Variants in SP4 observed in about 807,000 individuals in gnomAD.
SP4 encodes the protein Sp4 transcription factor, also known as transcription factor Sp4.
SP4 carries 19 observed loss-of-function variants against 72.8 expected under a neutral mutation model. That is an observed-to-expected ratio of 0.26 (90% CI 0.18 to 0.38). SP4 has a LOEUF of 0.38. Ranked by LOEUF, SP4 falls within the 10% of genes least tolerant of loss-of-function variation. The probability of loss-of-function intolerance (pLI) is 1.00; values close to 1 mark genes in which losing one functional copy is unlikely to be tolerated. For missense variants in SP4, 1,008 were observed against 926.3 expected (o/e 1.09, Z -1.14); for synonymous variants, 395 against 333.1 (o/e 1.19, Z -2.02).
intron 5 of SP4, among the ~76,000 whole-genome samples, chr7:21,502,864 T>TA (rs1258950787): frequency 6.6e-6 from 1 of 152,196 alleles, no homozygotes; most frequent in Non-Finnish European, 1.5e-5. Context: ...CTAACCCATA[T>TA]AACCAAGAGT....
chr7:21,502,040 A>ACCT (rs1554301403), intron 5 of SP4, among the ~76,000 whole-genome samples: 15 of 72,280 alleles, frequency 2.1e-4, no homozygotes, highest in Non-Finnish European at 3.3e-4. Flanking sequence ...TTCATTAGGC[A>ACCT]CCCCCCCCCC....
rs1030005410 is a variant in SP4 at position 21,514,247 on chromosome 7, T to A, written c.*2978T>A. Reference sequence around the variant, plus strand: ...AAGTGTGTAATCTAGGAGAAAAAGTTAATTTGTCAAACTTAGATAAGCATG... The same window carrying A: ...AAGTGTGTAATCTAGGAGAAAAAGTAAATTTGTCAAACTTAGATAAGCATG... On this transcript the variant is annotated 3_prime_UTR_variant, in exon 6 of 6. Coordinates refer to ENST00000222584, the MANE Select transcript of SP4 (RefSeq NM_003112.5). 1.3e-5 allele frequency: 2 copies of A among 152,590 alleles called. No homozygotes were observed. The highest frequency in any genetic ancestry group is 4.8e-5 in the African/African-American group (2 of 41,444). 9.5% of individuals were successfully genotyped at this position (152,590 alleles called of 1,614,324 possible). A position where few individuals can be genotyped will look rare whatever the true frequency, so the allele number is the denominator to read the frequency against.
chr7:21,501,646 A>G (rs776642553), intron 5 of SP4, among the ~76,000 whole-genome samples: 13 of 152,112 alleles, frequency 8.5e-5, no homozygotes, highest in Admixed American at 2.6e-4. Flanking sequence ...TTCCAAACCA[A>G]TCTTCTAGCC....
chr7:21,435,403 A>G (rs563439719), intron 3 of SP4, among the ~76,000 whole-genome samples: 3 of 152,306 alleles, frequency 2.0e-5, no homozygotes, highest in Admixed American at 2.0e-4. Flanking sequence ...AATAGGTACC[A>G]AAGAAAATAA....
intron 5 of SP4, among the ~76,000 whole-genome samples, chr7:21,485,175 G>A (rs1022497757): frequency 6.6e-6 from 1 of 151,938 alleles, no homozygotes; most frequent in East Asian, 1.9e-4. Flanking sequence ...TATTGATTAA[G>A]CATTTAATAT....
intron 3 of SP4, among the ~76,000 whole-genome samples, chr7:21,459,773 C>T (rs185187872): frequency 2.5e-4 from 38 of 152,252 alleles, no homozygotes; most frequent in African/African-American, 8.2e-4. Context: ...TAACTTTGTC[C>T]TCTTACCACT....
intron 5 of SP4, among the ~76,000 whole-genome samples, chr7:21,497,586 C>G (rs963971823): frequency 6.6e-6 from 1 of 152,116 alleles, no homozygotes; most frequent in African/African-American, 2.4e-5. Flanking sequence ...CTTGGTTTTG[C>G]TCTTGCCCCC....
intron 3 of SP4, among the ~76,000 whole-genome samples, chr7:21,461,195 C>T (rs747051088): frequency 1.2e-4 from 18 of 152,178 alleles, no homozygotes; most frequent in Admixed American, 7.9e-4. Context: ...GCCATGCGCC[C>T]GCACTCCTCA....
At chr7:21,452,978 C>T (rs897218881) in intron 3 of SP4, among the ~76,000 whole-genome samples, 4 of 152,016 alleles carry the variant, frequency 2.6e-5, no homozygotes, top group Non-Finnish European at 4.4e-5. Context: ...GACGGTTTCA[C>T]CACATTGGCC....
intron 3 of SP4, among the ~76,000 whole-genome samples, chr7:21,451,686 G>A (rs969898273): frequency 2.6e-5 from 4 of 152,144 alleles, no homozygotes; most frequent in African/African-American, 9.7e-5. Context: ...CCCTATAGAA[G>A]GGTGACTCTT....
intron 5 of SP4, among the ~76,000 whole-genome samples, chr7:21,509,954 A>AG (rs1429605590): frequency 6.6e-6 from 1 of 152,212 alleles, no homozygotes; most frequent in Non-Finnish European, 1.5e-5. Flanking sequence ...AGAGGAGCAA[A>AG]TCACATCTCG....
At chr7:21,491,871 A>G (rs1240564916) in intron 5 of SP4, among the ~76,000 whole-genome samples, 1 of 134,748 alleles carries the variant, frequency 7.4e-6, no homozygotes, top group African/African-American at 3.0e-5. Flanking sequence ...CTCAATAGAA[A>G]TGCCAAGGAA....
chr7:21,430,701 T>C lies in SP4; in HGVS notation c.1536T>C (p.Pro512=). The C allele has an allele frequency of 1.9e-6, 3 of 1,614,244 alleles. No individual in the cohort carries two copies. Among genetic ancestry groups the C allele is most frequent in the Non-Finnish European group, 2.5e-6 (3 of 1,180,040 alleles). ...SGGTTLAQIA[P]VAVAGAPITL... ...GCACAACTCTTGCTCAGATTGCTCC[T>C]GTGGCTGTTGCTGGTGCCCCAATAA... Residue 512 remains proline, a synonymous_variant, in exon 3 of 6, where the codon CCT becomes CCC. Transcript: ENST00000222584.
At chr7:21,481,294 C>T (rs571140027) in intron 4 of SP4, among the ~76,000 whole-genome samples, 13 of 152,320 alleles carry the variant, frequency 8.5e-5, no homozygotes, top group Non-Finnish European at 1.8e-4. Flanking sequence ...GAGTAGGAAT[C>T]ATATTCTTAG....
chr7:21,496,212 CAT>C (rs995844701), intron 5 of SP4, among the ~76,000 whole-genome samples: 15 of 152,168 alleles, frequency 9.9e-5, no homozygotes, highest in Middle Eastern at 3.4e-3. Flanking sequence ...TGTCAAAACT[CAT>C]AGAACTCTAT....
intron 3 of SP4, among the ~76,000 whole-genome samples, chr7:21,454,544 A>C (rs769025466): frequency 6.6e-6 from 1 of 152,030 alleles, no homozygotes; most frequent in Non-Finnish European, 1.5e-5. Context: ...TACCTTTATA[A>C]CCTTTGAATT....
At position 21,512,673 on chromosome 7, in the gene SP4, T is replaced by C. The variant is rs1052114485; in HGVS notation, c.*1404T>C. On this transcript the variant is annotated 3_prime_UTR_variant, in exon 6 of 6. Coordinates refer to ENST00000222584, the MANE Select transcript of SP4 (RefSeq NM_003112.5). ...GCCTCCCAGGTTCAAGCGATTCTCC[T>C]GTCTTAGCCTCCTGAGTAGCTGGGA... The C allele has an allele frequency of 6.6e-6, 1 of 151,532 alleles. No individual in the cohort carries two copies. Among genetic ancestry groups the C allele is most frequent in the Non-Finnish European group, 1.5e-5 (1 of 67,998 alleles). The allele number at this position is 151,532 out of a possible 1,614,324, so 9.4% of individuals were successfully genotyped here. A position where few individuals can be genotyped will look rare whatever the true frequency, so the allele number is the denominator to read the frequency against.
chr7:21,460,279 A>G (rs1028503106), intron 3 of SP4, among the ~76,000 whole-genome samples: 11 of 152,102 alleles, frequency 7.2e-5, no homozygotes, highest in Admixed American at 2.6e-4. Context: ...GATGTGTTCG[A>G]AGTTTCTTCC....
chr7:21,502,167 A>G (rs1781887202), intron 5 of SP4, among the ~76,000 whole-genome samples: 1 of 151,784 alleles, frequency 6.6e-6, no homozygotes, highest in Non-Finnish European at 1.5e-5. Context: ...GATGAAGGGA[A>G]TGGCCAACTG....
Sources: allele counts gnomAD v4.1 joint callset (sites outside exome capture counted in the v4.1 genomes callset), GRCh38; gene constraint gnomAD v4.1.1; transcripts MANE v1.5; gene names NCBI Gene and HGNC (gene_info 2026-07-23, HGNC 2026-07-21).